Variants in C6orf89 observed in about 807,000 individuals in gnomAD.
C6orf89 encodes the protein chromosome 6 open reading frame 89, also known as bombesin receptor-activated protein C6orf89.
C6orf89 carries 29 observed loss-of-function variants against 40.7 expected under a neutral mutation model. The observed-to-expected ratio is 0.71, with a 90% CI of 0.53 to 0.97. The LOEUF (loss-of-function observed/expected upper bound fraction) is 0.97. C6orf89 is among the 50% of genes least tolerant of loss of function. The pLI is 0.00. For missense variants in C6orf89, 392 were observed against 429.1 expected (o/e 0.91, Z 0.76); for synonymous variants, 165 against 152.2 (o/e 1.08, Z -0.62).
chr6:36,918,014 C>T (rs1193264399), intron 7 of C6orf89, among the ~76,000 whole-genome samples: 1 of 152,236 alleles, frequency 6.6e-6, no homozygotes, highest in Non-Finnish European at 1.5e-5. Context: ...GAATCTGTTT[C>T]CCCACCCTGG....
At chr6:36,881,606 C>T (rs933162779), upstream of C6orf89, among the ~76,000 whole-genome samples, 9 of 152,124 alleles carry the variant, frequency 5.9e-5, no homozygotes, top group East Asian at 1.9e-4. Context: ...CCTGGGAGGC[C>T]GAGGTTGCAG....
At chr6:36,916,751 A>C (rs73420354) in intron 7 of C6orf89, among the ~76,000 whole-genome samples, 177 bp downstream of exon 7, 1,547 of 152,274 alleles carry the variant, frequency 0.01, 25 homozygotes, top group African/African-American at 0.035. Flanking sequence ...GCAGGGGCCC[A>C]CCTTGTCATG....
chr6:36,885,823 G>T, upstream of C6orf89: 2 of 408,502 alleles, frequency 4.9e-6, no homozygotes, highest in Non-Finnish European at 8.5e-6. Flanking sequence ...ATCGCGAGAG[G>T]TCCCGCGCTC....
chr6:36,923,513 A>C lies in C6orf89; in HGVS notation c.*72A>C. The C allele has an allele frequency of 8.6e-7, 1 of 1,162,912 alleles. No homozygotes were observed. Among genetic ancestry groups the C allele is most frequent in the Non-Finnish European group, 1.3e-6 (1 of 780,078 alleles). 72.0% of individuals were successfully genotyped at this position (1,162,912 alleles called of 1,614,324 possible). A position where few individuals can be genotyped will look rare whatever the true frequency, so the allele number is the denominator to read the frequency against. ...TTGAAAGGGGAAAAATAAAAACAAAAACGATGAAACTGCTTTCTGGGGGTT... is the reference window on the plus strand; with the variant it reads ...TTGAAAGGGGAAAAATAAAAACAAACACGATGAAACTGCTTTCTGGGGGTT... On this transcript the variant is annotated 3_prime_UTR_variant, in exon 9 of 9. Coordinates refer to ENST00000480824, the MANE Select transcript of C6orf89 (RefSeq NM_001286635.2).
intron 4 of C6orf89, among the ~76,000 whole-genome samples, chr6:36,911,937 C>A (rs1333778209): frequency 8.1e-5 from 12 of 147,656 alleles, no homozygotes; most frequent in African/African-American, 9.9e-5. Flanking sequence ...TGAACCCCCC[C>A]CCCCCGACCT....
At position 36,923,906 on chromosome 6, in the gene C6orf89, A is replaced by G. The variant is rs1467185224; in HGVS notation, c.*465A>G. 1 of 230,320 alleles carries G rather than the reference A, an allele frequency of 4.3e-6. No homozygotes were observed. The highest frequency in any genetic ancestry group is 8.8e-6 in the Non-Finnish European group (1 of 113,426). 14.3% of individuals were successfully genotyped at this position (230,320 alleles called of 1,614,324 possible). A position where few individuals can be genotyped will look rare whatever the true frequency, so the allele number is the denominator to read the frequency against. On this transcript the variant is annotated 3_prime_UTR_variant, in exon 9 of 9. Transcript: ENST00000480824. ...ACATCACTCTACTTTTTGGAAGGCC[A>G]TGGCTGATTAAAGAAGTTCTTGTAG...
Position 36,885,966 on chromosome 6 carries a change from C to A in C6orf89, c.-182C>A. 7.9e-7 allele frequency: 1 copy of A among 1,268,840 alleles called. No homozygotes were observed. The highest frequency in any genetic ancestry group is 1.0e-6 in the Non-Finnish European group (1 of 1,004,490). 78.6% of individuals were successfully genotyped at this position (1,268,840 alleles called of 1,614,324 possible). On this transcript the variant is annotated 5_prime_UTR_variant, in exon 1 of 9. Coordinates refer to ENST00000480824, the MANE Select transcript of C6orf89 (RefSeq NM_001286635.2). The stretch of plus-strand genomic sequence containing the variant: ...CTCCCGGAAACAGGAAGTTGCCCAT[C>A]CTCCTCGCCCGGCGGCAGCTGTCCC...
chr6:36,873,430 C>T (rs1406917049), intron 1 of C6orf89, among the ~76,000 whole-genome samples: 4 of 152,106 alleles, frequency 2.6e-5, no homozygotes, highest in Non-Finnish European at 4.4e-5. Context: ...AACATACATA[C>T]AGTATGATCA....
chr6:36,889,338 G>A (rs1775108196), intron 1 of C6orf89, among the ~76,000 whole-genome samples: 1 of 152,172 alleles, frequency 6.6e-6, no homozygotes, highest in Non-Finnish European at 1.5e-5. Context: ...ATTTCAACAG[G>A]TTAATAAATG....
intron 2 of C6orf89, among the ~76,000 whole-genome samples, chr6:36,898,536 C>T (rs1761536661): frequency 6.6e-6 from 1 of 151,950 alleles, no homozygotes; most frequent in South Asian, 2.1e-4. Context: ...GCCTCAGCCT[C>T]CCGAAGTGCT....
intron 8 of C6orf89, among the ~76,000 whole-genome samples, chr6:36,920,427 C>T (rs1489004881): frequency 1.3e-5 from 2 of 152,186 alleles, no homozygotes; most frequent in African/African-American, 4.8e-5. Context: ...CATTGACCTC[C>T]TTGCTTTTCC....
Position 36,924,216 on chromosome 6 carries a change from A to ACC in C6orf89, c.*775_*776insCC. 1 of 154,764 alleles carries ACC rather than the reference A, an allele frequency of 6.5e-6. No homozygotes were observed. The highest frequency in any genetic ancestry group is 6.3e-5 in the Admixed American group (1 of 15,850). The allele number at this position is 154,764 out of a possible 1,614,324, so 9.6% of individuals were successfully genotyped here. On this transcript the variant is annotated 3_prime_UTR_variant, in exon 9 of 9. Coordinates refer to ENST00000480824, the MANE Select transcript of C6orf89 (RefSeq NM_001286635.2). ...TAGTCCTCCCTGCCTTGGCGGGGCC[A>ACC]GAGCCCACTACTGCTGAGGCAGCAC...
upstream of C6orf89, among the ~76,000 whole-genome samples, chr6:36,881,389 G>T (rs183118804): frequency 6.6e-6 from 1 of 152,252 alleles, no homozygotes; most frequent in Non-Finnish European, 1.5e-5. Context: ...ATTAATTATA[G>T]GGGCCAGGCA....
At chr6:36,884,459 C>T (rs1172130688), upstream of C6orf89, among the ~76,000 whole-genome samples, 2 of 152,152 alleles carry the variant, frequency 1.3e-5, no homozygotes, top group East Asian at 3.8e-4. The surrounding 1 kb of genome is among the most constrained non-coding windows in gnomAD (Gnocchi z 4.0). Context: ...AATAGTCTCC[C>T]TGGTGCACTG....
intron 8 of C6orf89, among the ~76,000 whole-genome samples, chr6:36,921,367 C>T (rs971394644): frequency 2.0e-5 from 3 of 152,138 alleles, no homozygotes; most frequent in South Asian, 2.1e-4. Context: ...GGACAGATGG[C>T]GGTTCCTCTA....
At chr6:36,900,968 T>TCC (rs1225900236) in intron 3 of C6orf89, among the ~76,000 whole-genome samples, 5 of 152,118 alleles carry the variant, frequency 3.3e-5, no homozygotes, top group African/African-American at 1.2e-4. Flanking sequence ...TGCCTCAGCC[T>TCC]CCCAAGTAGC....
At chr6:36,889,019 T>C (rs1775096827) in intron 1 of C6orf89, among the ~76,000 whole-genome samples, 1 of 152,156 alleles carries the variant, frequency 6.6e-6, no homozygotes, top group African/African-American at 2.4e-5. Context: ...GGTAGATAAA[T>C]GGGTCTTGAA....
chr6:36,905,456 C>T (rs1393313746), intron 4 of C6orf89, among the ~76,000 whole-genome samples: 6 of 152,210 alleles, frequency 3.9e-5, no homozygotes, highest in Non-Finnish European at 7.3e-5. Flanking sequence ...AGACAATATT[C>T]TTTCTGGCTG....
intron 4 of C6orf89, among the ~76,000 whole-genome samples, chr6:36,911,276 G>C (rs1434692905): frequency 1.3e-5 from 2 of 152,194 alleles, no homozygotes; most frequent in Non-Finnish European, 2.9e-5. Flanking sequence ...GATCATCTGA[G>C]ATCAGGAGTT....
Sources: allele counts gnomAD v4.1 joint callset (sites outside exome capture counted in the v4.1 genomes callset), GRCh38; gene constraint gnomAD v4.1.1; non-coding constraint Gnocchi (gnomAD v3.1); transcripts MANE v1.5; gene names NCBI Gene and HGNC (gene_info 2026-07-23, HGNC 2026-07-21).